Variants in RBFOX3 observed in about 807,000 individuals in gnomAD.
RBFOX3 encodes the protein RNA binding protein fox-1 homolog 3.
In RBFOX3, 17 loss-of-function variants were observed where a neutral mutation model predicts 48.7. The observed-to-expected ratio is 0.35, with a 90% CI of 0.24 to 0.52. The LOEUF (loss-of-function observed/expected upper bound fraction) is 0.52, where lower values mean the gene tolerates loss of function less well. Among genes scored for constraint, RBFOX3 ranks in the 20% least tolerant of loss-of-function variants. The pLI is 0.94. For synonymous variants in RBFOX3, 212 were observed against 209.5 expected, an observed-to-expected ratio of 1.01 and a Z score of -0.10; for missense variants, 382 against 497.5, an observed-to-expected ratio of 0.77 and a Z score of 2.21.
intron 1 of RBFOX3, among the ~76,000 whole-genome samples, chr17:79,560,898 T>C (rs2092169106): frequency 6.6e-6 from 1 of 152,124 alleles, no homozygotes; most frequent in East Asian, 1.9e-4. Flanking sequence ...CATTTCACAG[T>C]TGGGGAAACG....
At chr17:79,283,260 C>T (rs1483957310) in intron 3 of RBFOX3, among the ~76,000 whole-genome samples, 1 of 125,804 alleles carries the variant, frequency 7.9e-6, no homozygotes, top group Non-Finnish European at 1.6e-5. Context: ...TCCTATGTTC[C>T]TTTTCTTTTT....
intron 12 of RBFOX3, among the ~76,000 whole-genome samples, chr17:79,095,918 G>C (rs1249529078): frequency 1.3e-5 from 2 of 152,240 alleles, no homozygotes; most frequent in Non-Finnish European, 2.9e-5. Context: ...CTGGGTGCTA[G>C]GCCTTGGCAA....
At chr17:79,383,111 C>A (rs530871524) in intron 2 of RBFOX3, among the ~76,000 whole-genome samples, 1 of 151,822 alleles carries the variant, frequency 6.6e-6, no homozygotes, top group African/African-American at 2.4e-5. Flanking sequence ...CACCAGAGCC[C>A]TGGGGTCCAG....
At chr17:79,546,359 C>T (rs1472512613) in intron 1 of RBFOX3, among the ~76,000 whole-genome samples, 3 of 152,190 alleles carry the variant, frequency 2.0e-5, no homozygotes, top group African/African-American at 7.2e-5. Context: ...CACAAACGGC[C>T]ATCAGATGAA....
At chr17:79,549,595 G>A (rs561496673) in intron 1 of RBFOX3, among the ~76,000 whole-genome samples, 1 of 152,348 alleles carries the variant, frequency 6.6e-6, no homozygotes, top group Admixed American at 6.5e-5. Context: ...CCCAAAGCGG[G>A]GCTCTGGGGA....
At chr17:79,278,284 C>T (rs1009698302) in intron 3 of RBFOX3, among the ~76,000 whole-genome samples, 1 of 152,170 alleles carries the variant, frequency 6.6e-6, no homozygotes, top group Non-Finnish European at 1.5e-5. Context: ...CATAGGATCA[C>T]GAGAAAGAGG....
chr17:79,625,400 T>C, the RBFOX3 span, among the ~76,000 whole-genome samples: 3 of 152,228 alleles, frequency 2.0e-5, no homozygotes, highest in Admixed American at 6.5e-5. Context: ...ACAATTTGCT[T>C]AGCTGCTGTT....
intron 3 of RBFOX3, among the ~76,000 whole-genome samples, chr17:79,293,735 G>A (rs1470244534): frequency 6.6e-6 from 1 of 152,154 alleles, no homozygotes; most frequent in African/African-American, 2.4e-5. Context: ...TTACAGGCAT[G>A]AGCCACTTGC....
chr17:79,465,775 C>T (rs2076228928), intron 2 of RBFOX3, among the ~76,000 whole-genome samples: 1 of 152,214 alleles, frequency 6.6e-6, no homozygotes, highest in Non-Finnish European at 1.5e-5. Context: ...ATGCTTCAGC[C>T]CCCGGTGGCC....
intron 4 of RBFOX3, among the ~76,000 whole-genome samples, chr17:79,166,815 T>C (rs1355177222): frequency 6.6e-6 from 1 of 152,330 alleles, no homozygotes; most frequent in East Asian, 1.9e-4. Flanking sequence ...TTTTGGGTGA[T>C]GAAAATTCAA....
At position 79,272,044 on chromosome 17, in the gene RBFOX3, G is replaced by A. The variant is rs62061460; in HGVS notation, c.-74+35680C>T. 2.1e-3 allele frequency among the ~76,000 whole-genome samples: 322 copies of A among 152,374 alleles called. 1 individual carries two copies. Among genetic ancestry groups the A allele is most frequent in the Non-Finnish European group, 3.6e-3 (247 of 68,036 alleles). On this transcript the variant is annotated intron_variant, in intron 3 of 14. Transcript: ENST00000693108. The stretch of plus-strand genomic sequence containing the variant: ...CCTGGTTAGGGCCATCTCCCTTTTC[G>A]GGGTGGGAACGCCGAGGCTGAGAGA...
chr17:79,582,727 G>A (rs1320524569), intron 1 of RBFOX3, among the ~76,000 whole-genome samples: 1 of 136,230 alleles, frequency 7.3e-6, no homozygotes, highest in Non-Finnish European at 1.5e-5. Flanking sequence ...AGGCTACAGT[G>A]AGCCATGATC....
At chr17:79,500,347 T>C (rs2082228016) in intron 1 of RBFOX3, among the ~76,000 whole-genome samples, 1 of 140,570 alleles carries the variant, frequency 7.1e-6, no homozygotes, top group South Asian at 2.3e-4. Context: ...AACCTCCGCC[T>C]CCGGGGTTCA....
chr17:79,173,189 G>A (rs1014491923), intron 4 of RBFOX3, among the ~76,000 whole-genome samples: 6 of 124,298 alleles, frequency 4.8e-5, no homozygotes, highest in African/African-American at 2.3e-4. Context: ...CAGCCTGGGA[G>A]ACAGAACGAG....
In RBFOX3 at chr17:79,421,425, C is replaced by A. The variant is rs1374771450; in HGVS notation, c.-175+61029G>T. On this transcript the variant is annotated intron_variant, in intron 2 of 14. Coordinates refer to ENST00000693108, the MANE Select transcript of RBFOX3 (RefSeq NM_001350451.2). The surrounding 1 kb of genome is among the most constrained non-coding windows in gnomAD (Gnocchi z 4.5). ...AGGCTGGGCCTGGCTGCCTGCCAAG[C>A]CTAGGGGCCTCTCCAGAGCCCACGG... Among the ~76,000 whole-genome samples, 3 of 152,172 alleles carry A rather than the reference C, an allele frequency of 2.0e-5. No homozygotes were observed. Among genetic ancestry groups the A allele is most frequent in the Admixed American group, 2.0e-4 (3 of 15,286 alleles).
At chr17:79,656,891 A>G in the RBFOX3 span, among the ~76,000 whole-genome samples, 10 of 138,796 alleles carry the variant, frequency 7.2e-5, no homozygotes, top group East Asian at 8.3e-4. Flanking sequence ...GAAGGAAGGA[A>G]GGAGGGAAGG....
chr17:79,438,421 A>G (rs1217199755), intron 2 of RBFOX3, among the ~76,000 whole-genome samples: 1 of 152,218 alleles, frequency 6.6e-6, no homozygotes, highest in Admixed American at 6.5e-5. Flanking sequence ...CCTCTCCAAG[A>G]TCAAATGATG....
At chr17:79,434,771 G>A (rs1441304527) in intron 2 of RBFOX3, among the ~76,000 whole-genome samples, 1 of 152,186 alleles carries the variant, frequency 6.6e-6, no homozygotes, top group African/African-American at 2.4e-5. Flanking sequence ...CTGAACTTCA[G>A]AGAAAGCTGT....
chr17:79,449,802 G>GCACTAACC (rs2073120068), intron 2 of RBFOX3, among the ~76,000 whole-genome samples: 1 of 152,182 alleles, frequency 6.6e-6, no homozygotes, highest in Non-Finnish European at 1.5e-5. Flanking sequence ...AGTGGTCTGG[G>GCACTAACC]CAGGAGAAGA....
Sources: gnomAD v4.1 joint callset for allele counts (sites outside exome capture counted in the v4.1 genomes callset) on GRCh38, gnomAD v4.1.1 for gene constraint, Gnocchi (gnomAD v3.1) non-coding constraint, MANE v1.5 for transcripts, NCBI Gene and HGNC (gene_info 2026-07-23, HGNC 2026-07-21) for gene names.